Variants in GLIS1 observed in about 807,000 individuals in gnomAD.
The protein encoded by GLIS1 is zinc finger protein GLIS1.
GLIS1 carries 24 observed loss-of-function variants against 63.8 expected under a neutral mutation model. That is an observed-to-expected ratio of 0.38 (90% confidence interval 0.27 to 0.53). GLIS1 has a LOEUF of 0.53. Among genes scored for constraint, GLIS1 ranks in the 20% least tolerant of loss-of-function variants. The pLI is 0.85. For synonymous variants in GLIS1, 450 were observed against 482.5 expected, an observed-to-expected ratio of 0.93 and a Z score of 0.88; for missense variants, 1,036 against 1,074.1, an observed-to-expected ratio of 0.96 and a Z score of 0.50.
chr1:53,658,244 C>A (rs1291079660), intron 2 of GLIS1, among the ~76,000 whole-genome samples: 2 of 152,186 alleles, frequency 1.3e-5, no homozygotes, highest in Non-Finnish European at 2.9e-5. Context: ...CTCCTATGGA[C>A]CCTTTTAGCC....
intron 2 of GLIS1, among the ~76,000 whole-genome samples, chr1:53,651,118 C>T (rs1645902171): frequency 6.6e-6 from 1 of 152,274 alleles, no homozygotes; most frequent in African/African-American, 2.4e-5. Flanking sequence ...TTAAGTGCAT[C>T]GTATGCTTAT....
chr1:53,545,720 C>G (rs1182992608), intron 4 of GLIS1, among the ~76,000 whole-genome samples: 1 of 152,158 alleles, frequency 6.6e-6, no homozygotes, highest in African/African-American at 2.4e-5. Flanking sequence ...ATATTTTACA[C>G]TATGTTGTTT....
chr1:53,738,079 G>A lies in GLIS1; in HGVS notation c.-15C>T. The A allele has an allele frequency of 8.1e-7, 1 of 1,229,942 alleles. No individual in the cohort carries two copies. The highest frequency in any genetic ancestry group is 1.0e-6 in the Non-Finnish European group (1 of 986,740). The allele number at this position is 1,229,942 out of a possible 1,614,324, so 76.2% of individuals were successfully genotyped here. A position where few individuals can be genotyped will look rare whatever the true frequency, so the allele number is the denominator to read the frequency against. On this transcript the variant is annotated 5_prime_UTR_variant, in exon 2 of 11. Coordinates refer to ENST00000628545, the MANE Select transcript of GLIS1 (RefSeq NM_001367484.1). ...TCGCAATGCATGGCGCCGGGGCGGG[G>A]CGCACGGCTGGGGGTCGCGCCGGGC... is the stretch of plus-strand genomic sequence containing the variant.
intron 7 of GLIS1, among the ~76,000 whole-genome samples, chr1:53,519,480 A>G (rs557508042): frequency 4.5e-4 from 69 of 152,384 alleles, no homozygotes; most frequent in South Asian, 2.1e-3. Flanking sequence ...AATTCAAGAA[A>G]TCCCAGAGGG....
intron 2 of GLIS1, among the ~76,000 whole-genome samples, chr1:53,685,403 C>T (rs1012351701): frequency 3.3e-5 from 5 of 152,256 alleles, no homozygotes; most frequent in Non-Finnish European, 5.9e-5. Context: ...TATCCCCCGT[C>T]AGCGCTGCCG....
In GLIS1 at chr1:53,598,345, C is replaced by G. The variant is rs768084007; in HGVS notation, c.437+1756G>C. On this transcript the variant is annotated intron_variant, in intron 3 of 10. Transcript: ENST00000628545. The surrounding 1 kb of genome is among the most constrained non-coding windows in gnomAD (Gnocchi z 4.6). ...ATTGCTTGAGCCCAGGAGTTCAAGA[C>G]CAGCCCGGCCAACATGGTGAAACCC... Among the ~76,000 whole-genome samples, 3 of 152,104 alleles carry G rather than the reference C, an allele frequency of 2.0e-5. No individual in the cohort carries two copies. Among genetic ancestry groups the G allele is most frequent in the Non-Finnish European group, 4.4e-5 (3 of 68,014 alleles).
intron 2 of GLIS1, 92 bp from the exon 3 acceptor site, chr1:53,600,370 AG>A: frequency 1.4e-6 from 1 of 723,860 alleles, no homozygotes; most frequent in Non-Finnish European, 1.9e-6. Context: ...GGGTACAGCA[AG>A]GGACAGGGCA....
chr1:53,552,722 G>T (rs1044892141), intron 4 of GLIS1, among the ~76,000 whole-genome samples: 1 of 152,210 alleles, frequency 6.6e-6, no homozygotes, highest in Non-Finnish European at 1.5e-5. Flanking sequence ...AGGCTGAGGG[G>T]CCAGAGGAGG....
intron 4 of GLIS1, among the ~76,000 whole-genome samples, chr1:53,531,645 T>C (rs1288778768): frequency 6.6e-6 from 1 of 152,094 alleles, no homozygotes; most frequent in Non-Finnish European, 1.5e-5. Context: ...AGAGAGCCCA[T>C]GTGGGAGATG....
chr1:53,550,602 A>G (rs1278525746), intron 4 of GLIS1, among the ~76,000 whole-genome samples: 1 of 152,210 alleles, frequency 6.6e-6, no homozygotes, highest in Non-Finnish European at 1.5e-5. Context: ...CAGTCGGGGA[A>G]AAGCTGAGTG....
intron 4 of GLIS1, among the ~76,000 whole-genome samples, chr1:53,580,430 G>A (rs1375297131): frequency 6.6e-6 from 1 of 152,170 alleles, no homozygotes; most frequent in Non-Finnish European, 1.5e-5. Context: ...CAGAGGTTTT[G>A]TGCAGGTTAA....
In GLIS1 at chr1:53,539,972, G is replaced by C. The variant is rs949146499; in HGVS notation, c.1321-10020C>G. Among the ~76,000 whole-genome samples, 1 of 152,134 alleles carries C rather than the reference G, an allele frequency of 6.6e-6. No homozygotes were observed. The highest frequency in any genetic ancestry group is 1.5e-5 in the Non-Finnish European group (1 of 68,014). ...GCCGCCTCCACGCCTTTGCCCATGC[G>C]GTGTCCTCTGCTCAAGGTGCCCCTG... On this transcript the variant is annotated intron_variant, in intron 4 of 10. Coordinates refer to ENST00000628545, the MANE Select transcript of GLIS1 (RefSeq NM_001367484.1). The surrounding 1 kb of genome is among the most constrained non-coding windows in gnomAD (Gnocchi z 5.0).
At chr1:53,564,846 CACCTTGGTGGTAA>C (rs1644923726) in intron 4 of GLIS1, among the ~76,000 whole-genome samples, 1 of 151,912 alleles carries the variant, frequency 6.6e-6, no homozygotes, top group African/African-American at 2.4e-5. Flanking sequence ...CAAAGCCTAC[CACCTTGGTGGTAA>C]ATTTCAACAC....
At chr1:53,622,232 A>G (rs1433603880) in intron 2 of GLIS1, among the ~76,000 whole-genome samples, 1 of 150,758 alleles carries the variant, frequency 6.6e-6, no homozygotes, top group East Asian at 2.1e-4. Flanking sequence ...GTTCGAGACC[A>G]GCCTGGCCAA....
intron 4 of GLIS1, among the ~76,000 whole-genome samples, chr1:53,537,111 G>T (rs1270360972): frequency 6.6e-6 from 1 of 152,238 alleles, no homozygotes; most frequent in East Asian, 1.9e-4. Context: ...ATGAAAGACA[G>T]AGGGGAGCCA....
intron 2 of GLIS1, among the ~76,000 whole-genome samples, chr1:53,698,187 C>A (rs529084792): frequency 1.3e-5 from 2 of 151,740 alleles, no homozygotes; most frequent in Non-Finnish European, 2.9e-5. Flanking sequence ...AGCTTCAGTG[C>A]GAGATGTCAG....
intron 2 of GLIS1, among the ~76,000 whole-genome samples, chr1:53,726,391 C>T (rs956011289): frequency 5.9e-5 from 9 of 152,160 alleles, no homozygotes; most frequent in African/African-American, 1.4e-4. Context: ...CCTCATGGGA[C>T]GTCTACTCAC....
At chr1:53,660,227 G>T (rs894772422) in intron 2 of GLIS1, among the ~76,000 whole-genome samples, 1 of 152,166 alleles carries the variant, frequency 6.6e-6, no homozygotes, top group Non-Finnish European at 1.5e-5. Context: ...CCATCTTGCA[G>T]ACCCTTGCAA....
intron 2 of GLIS1, among the ~76,000 whole-genome samples, chr1:53,717,836 T>C (rs2100542135): frequency 6.6e-6 from 1 of 152,300 alleles, no homozygotes; most frequent in South Asian, 2.1e-4. Context: ...TCCCAGCATC[T>C]AGAAGAGTGC....
Sources: allele counts gnomAD v4.1 joint callset (sites outside exome capture counted in the v4.1 genomes callset), GRCh38; gene constraint gnomAD v4.1.1; non-coding constraint Gnocchi (gnomAD v3.1); transcripts MANE v1.5; gene names NCBI Gene and HGNC (gene_info 2026-07-23, HGNC 2026-07-21).